SNTG1: variants seen among roughly 807,000 people sequenced by gnomAD.
The protein encoded by SNTG1 is gamma-1-syntrophin.
SNTG1 carries 39 observed loss-of-function variants against 74.7 expected under a neutral mutation model. The observed-to-expected ratio is 0.52, with a 90% CI of 0.40 to 0.68. The LOEUF (loss-of-function observed/expected upper bound fraction) is 0.68. Among genes scored for constraint, SNTG1 ranks in the 30% least tolerant of loss-of-function variants. The probability of loss-of-function intolerance (pLI) is 0.00; values close to 1 mark genes in which losing one functional copy is unlikely to be tolerated. For missense variants in SNTG1, 685 were observed against 609.5 expected, an observed-to-expected ratio of 1.12 and a Z score of -1.30; for synonymous variants, 254 against 217.1, an observed-to-expected ratio of 1.17 and a Z score of -1.49.
intron 2 of SNTG1, among the ~76,000 whole-genome samples, chr8:50,224,386 G>C (rs538013879): frequency 6.6e-6 from 1 of 152,244 alleles, no homozygotes; most frequent in South Asian, 2.1e-4. Context: ...CAAACAAACA[G>C]ACATGCTTTT....
At chr8:50,029,526 A>G (rs1321596354) in intron 1 of SNTG1, among the ~76,000 whole-genome samples, 1 of 152,002 alleles carries the variant, frequency 6.6e-6, no homozygotes, top group Admixed American at 6.6e-5. Context: ...CCCTCTGGTA[A>G]CCATCATTCT....
At chr8:50,779,806 T>C (rs550464921) in intron 18 of SNTG1, among the ~76,000 whole-genome samples, 138 of 152,230 alleles carry the variant, frequency 9.1e-4, no homozygotes, top group African/African-American at 3.3e-3. Context: ...TGCTTCCAGT[T>C]TTTGCCAATT....
chr8:50,365,062 A>C (rs932733666), intron 2 of SNTG1, among the ~76,000 whole-genome samples: 1 of 152,156 alleles, frequency 6.6e-6, no homozygotes, highest in Non-Finnish European at 1.5e-5. Flanking sequence ...AGTACCTTAC[A>C]TATACTACAA....
At chr8:50,575,992 T>A (rs1466329676) in intron 12 of SNTG1, among the ~76,000 whole-genome samples, 3 of 152,182 alleles carry the variant, frequency 2.0e-5, no homozygotes, top group African/African-American at 7.2e-5. Context: ...ATTAGTAGAT[T>A]TTCTTAAATT....
chr8:50,786,706 CT>C (rs2095676328), intron 18 of SNTG1, among the ~76,000 whole-genome samples: 1 of 151,904 alleles, frequency 6.6e-6, no homozygotes, highest in Non-Finnish European at 1.5e-5. Flanking sequence ...TGTTAACTGT[CT>C]TTTACCGTGC....
At chr8:50,023,301 C>G (rs1396925321) in intron 1 of SNTG1, among the ~76,000 whole-genome samples, 1 of 152,154 alleles carries the variant, frequency 6.6e-6, no homozygotes, top group African/African-American at 2.4e-5. Flanking sequence ...TCCAGAAGAG[C>G]ACATTGGTTA....
At chr8:50,616,826 C>A (rs2094888250) in intron 13 of SNTG1, among the ~76,000 whole-genome samples, 1 of 152,164 alleles carries the variant, frequency 6.6e-6, no homozygotes, top group African/African-American at 2.4e-5. Context: ...GCTTTAAATA[C>A]CCTGCCTTCT....
chr8:50,408,728 C>T (rs1194982996), intron 4 of SNTG1, among the ~76,000 whole-genome samples: 1 of 152,178 alleles, frequency 6.6e-6, no homozygotes, highest in East Asian at 1.9e-4. Flanking sequence ...TGGGTCAAAA[C>T]CCAGGCGTCA....
At chr8:49,977,339 T>C (rs1258223525) in intron 1 of SNTG1, among the ~76,000 whole-genome samples, 1 of 152,152 alleles carries the variant, frequency 6.6e-6, no homozygotes, top group East Asian at 1.9e-4. Context: ...ACTGTGCTTT[T>C]TTTCATTCCC....
chr8:50,193,397 T>C (rs565443193), intron 2 of SNTG1, among the ~76,000 whole-genome samples: 1 of 152,136 alleles, frequency 6.6e-6, no homozygotes, highest in East Asian at 1.9e-4. Context: ...TGTTTTTTTG[T>C]TTTCTTATTT....
At chr8:50,675,094 T>C (rs1336842367) in intron 15 of SNTG1, among the ~76,000 whole-genome samples, 1 of 151,996 alleles carries the variant, frequency 6.6e-6, no homozygotes, top group Non-Finnish European at 1.5e-5. Flanking sequence ...CTTATGTGGT[T>C]GATTTTATAA....
rs145190192 is a variant in SNTG1 at position 50,352,539 on chromosome 8, C to T, written c.-27-41673C>T. 9.7e-3 allele frequency among the ~76,000 whole-genome samples: 1,475 copies of T among 152,078 alleles called. 10 individuals carry two copies. Among genetic ancestry groups the T allele is most frequent in the Middle Eastern group, 0.031 (9 of 294 alleles). ...CCAAGTAGATCAGATTACAGGCATG[C>T]GCCACCACACCTGGCTAATTTTTTT... On this transcript the variant is annotated intron_variant, in intron 2 of 18. Coordinates refer to ENST00000642720, the MANE Select transcript of SNTG1 (RefSeq NM_018967.5).
intron 1 of SNTG1, among the ~76,000 whole-genome samples, chr8:49,981,119 G>A (rs1812639500): frequency 6.6e-6 from 1 of 152,260 alleles, no homozygotes; most frequent in South Asian, 2.1e-4. Flanking sequence ...GAATCTCCTG[G>A]CAGGCCAGGG....
intron 1 of SNTG1, among the ~76,000 whole-genome samples, chr8:50,030,014 T>C (rs1238273774): frequency 6.6e-6 from 1 of 152,120 alleles, no homozygotes; most frequent in Non-Finnish European, 1.5e-5. Flanking sequence ...GCATTTTTTA[T>C]TGCTTACCGT....
At chr8:50,190,709 C>A (rs773137306) in intron 2 of SNTG1, among the ~76,000 whole-genome samples, 5 of 152,006 alleles carry the variant, frequency 3.3e-5, no homozygotes, top group South Asian at 2.1e-4. Context: ...ACTTGCAGAA[C>A]CTTTGAAAGC....
At chr8:50,042,258 C>A (rs1818699202) in intron 1 of SNTG1, among the ~76,000 whole-genome samples, 1 of 152,182 alleles carries the variant, frequency 6.6e-6, no homozygotes, top group South Asian at 2.1e-4. Context: ...ATTCCTACAG[C>A]AATCTATCTA....
intron 18 of SNTG1, among the ~76,000 whole-genome samples, chr8:50,778,608 C>T (rs1329201596): frequency 2.4e-4 from 36 of 151,442 alleles, no homozygotes; most frequent in Middle Eastern, 3.4e-3. Flanking sequence ...TATTAGCCCT[C>T]TGTCAGATGA....
chr8:50,720,477 A>C (rs191814007), intron 17 of SNTG1, among the ~76,000 whole-genome samples: 11 of 152,332 alleles, frequency 7.2e-5, no homozygotes, highest in African/African-American at 2.6e-4. Flanking sequence ...CAACAGATGC[A>C]GTCCCTCCCC....
At position 50,739,545 on chromosome 8, in the gene SNTG1, C is replaced by T. The variant is rs139597965; in HGVS notation, c.1285-12456C>T. 4.4e-3 allele frequency among the ~76,000 whole-genome samples: 676 copies of T among 152,112 alleles called. 8 individuals are homozygous for T. The highest frequency in any genetic ancestry group is 0.014 in the African/African-American group (574 of 41,514). ...CTAGAACCAGAAATACCATTTGACC[C>T]AGCAATCCATTACTGGGTATATACT... On this transcript the variant is annotated intron_variant, in intron 17 of 18. Coordinates refer to ENST00000642720, the MANE Select transcript of SNTG1 (RefSeq NM_018967.5).
Sources: gnomAD v4.1 joint callset for allele counts (sites outside exome capture counted in the v4.1 genomes callset) on GRCh38, gnomAD v4.1.1 for gene constraint, MANE v1.5 for transcripts, NCBI Gene and HGNC (gene_info 2026-07-23, HGNC 2026-07-21) for gene names.